Variants in DNAH17 observed in about 807,000 individuals in gnomAD.
DNAH17 encodes dynein axonemal heavy chain 17, also known as axonemal beta dynein heavy chain 17.
A neutral mutation model predicts 485.6 loss-of-function variants in DNAH17; 376 were observed. The ratio of observed to expected loss-of-function variants is 0.77; its 90% CI spans 0.71 to 0.84. The LOEUF is 0.84. DNAH17 is among the 40% of genes least tolerant of loss of function. The pLI is 0.00. For synonymous variants in DNAH17, 3,031 were observed against 2,405.9 expected (o/e 1.26, Z -7.60); for missense variants, 6,370 against 5,839.3 (o/e 1.09, Z -2.96).
chr17:78,491,890 A>C (rs1245862845), intron 42 of DNAH17, among the ~76,000 whole-genome samples: 4 of 152,168 alleles, frequency 2.6e-5, no homozygotes, highest in Non-Finnish European at 5.9e-5. Flanking sequence ...CTGTGCACCC[A>C]GCTCTGTCCA....
At chr17:78,437,550 G>A in intron 74 of DNAH17, 91 bp downstream of exon 74, 2 of 949,728 alleles carry the variant, frequency 2.1e-6, no homozygotes, top group Non-Finnish European at 3.2e-6. Flanking sequence ...CCAGAGTTCA[G>A]AGCGGTCCTC....
At chr17:78,454,134 C>T (rs1259758684) in intron 64 of DNAH17, among the ~76,000 whole-genome samples, 1 of 152,202 alleles carries the variant, frequency 6.6e-6, no homozygotes, top group Non-Finnish European at 1.5e-5. Context: ...GCCATTGTTT[C>T]TCAACTGTGA....
intron 61 of DNAH17, 129 bp from the exon 62 acceptor site, chr17:78,458,809 T>C: frequency 5.7e-6 from 6 of 1,049,654 alleles, no homozygotes; most frequent in African/African-American, 1.6e-5. Flanking sequence ...GAGAGCCCTC[T>C]GGAGCATGGA....
rs2090311836 is a variant in DNAH17 at position 78,501,973 on chromosome 17, G to A, written c.5191-100C>T. The A allele has an allele frequency of 2.2e-5, 33 of 1,519,180 alleles. No individual in the cohort carries two copies. The South Asian group carries it at 4.0e-4, about 18-fold the overall frequency. 94.1% of individuals were successfully genotyped at this position (1,519,180 alleles called of 1,614,324 possible). On this transcript the variant is annotated intron_variant, in intron 33 of 80. Coordinates refer to ENST00000389840, the MANE Select transcript of DNAH17 (RefSeq NM_173628.4). ...ACAGCTGCATAGGGAACACCACCATGCTTTTGTTTACAGTAATGAAAAACA... is the reference window on the plus strand; with the variant it reads ...ACAGCTGCATAGGGAACACCACCATACTTTTGTTTACAGTAATGAAAAACA...
chr17:78,440,946 G>C, intron 72 of DNAH17, 105 bp downstream of exon 72: 1 of 1,371,636 alleles, frequency 7.3e-7, no homozygotes, highest in Non-Finnish European at 1.0e-6. Context: ...GCCGCGTCTT[G>C]GGTGTGAAGT....
In DNAH17 at chr17:78,569,411, G is replaced by T. The variant is rs560244243; in HGVS notation, c.1161C>A (p.Tyr387Ter). Reference sequence around the variant, plus strand: ...GCTTCATGTTCACGCAGCAGAAGTCGTACGTCTGGTAGAGCTCCTTCAGCA... The same window carrying T: ...GCTTCATGTTCACGCAGCAGAAGTCTTACGTCTGGTAGAGCTCCTTCAGCA... ...VNVLKELYQT[Y>*]DFCCVNMKLF... The change falls in exon 8 of 81, where the codon TAC becomes TAA. Residue 387 changes from tyrosine to a stop codon, truncating the protein, a stop_gained. Transcript: ENST00000389840. LOFTEE classifies it high-confidence loss of function. 1 of 1,612,814 alleles carries T rather than the reference G, an allele frequency of 6.2e-7. No homozygotes were observed. Among genetic ancestry groups the T allele is most frequent in the Non-Finnish European group, 8.5e-7 (1 of 1,179,390 alleles).
At chr17:78,506,657 G>C in intron 30 of DNAH17, 63 bp downstream of exon 30, 1 of 1,609,304 alleles carries the variant, frequency 6.2e-7, no homozygotes, top group African/African-American at 1.3e-5. Context: ...TGAGGTAGAG[G>C]TGCCCACCTG....
At chr17:78,505,993 TAATA>T (rs1010813064) in intron 30 of DNAH17, among the ~76,000 whole-genome samples, 6 of 152,002 alleles carry the variant, frequency 3.9e-5, no homozygotes, top group Non-Finnish European at 7.4e-5. Context: ...TAAAAAAAAT[TAATA>T]AATAAGATTT....
chr17:78,510,569 G>C, intron 26 of DNAH17, 63 bp from the exon 27 acceptor site: 1 of 1,589,654 alleles, frequency 6.3e-7, no homozygotes, highest in Non-Finnish European at 8.6e-7. Flanking sequence ...GTGGGCAGAC[G>C]TCATGATCCT....
chr17:78,568,604 G>A (rs1008819148), intron 9 of DNAH17, among the ~76,000 whole-genome samples: 2 of 151,630 alleles, frequency 1.3e-5, no homozygotes, highest in African/African-American at 4.9e-5. Flanking sequence ...GCTTTTTTTT[G>A]AAACAGGGTC....
intron 1 of DNAH17, among the ~76,000 whole-genome samples, chr17:78,575,858 T>A (rs2092426461): frequency 6.6e-6 from 1 of 152,198 alleles, no homozygotes; most frequent in Non-Finnish European, 1.5e-5. Flanking sequence ...TTTTTAAACA[T>A]CAAAATGAAT....
chr17:78,426,484 C>G lies in DNAH17; in HGVS notation c.12888G>C (p.Trp4296Cys), dbSNP rs1202139099. Residue 4296 changes from tryptophan to cysteine, a missense_variant, in exon 79 of 81, where the codon TGG (tryptophan) becomes TGC (cysteine). Transcript: ENST00000389840. ...TGATGCGGAGCAGCAGGTCTGCGTA[C>G]CAGGCCGCCAGGCCCATCATGGAGG... ...AYPSMMGLAA[W>C]YADLLLRIRE... 3 of 1,610,778 alleles carry G rather than the reference C, an allele frequency of 1.9e-6. No homozygotes were observed. Among genetic ancestry groups the G allele is most frequent in the Admixed American group, 3.4e-5 (2 of 59,194 alleles).
At position 78,425,583 on chromosome 17, in the gene DNAH17, C is replaced by A; in HGVS notation, c.12916-12G>T. On this transcript the variant is annotated splice_polypyrimidine_tract_variant and intron_variant, in intron 79 of 80. Coordinates refer to ENST00000389840, the MANE Select transcript of DNAH17 (RefSeq NM_173628.4). ...CAGGCCTCGAGTTCCTGCAAGGACACACGAGCCGCTAGGAGGAGAGGACAT... is the reference window on the plus strand; with the variant it reads ...CAGGCCTCGAGTTCCTGCAAGGACAAACGAGCCGCTAGGAGGAGAGGACAT... The A allele has an allele frequency of 6.3e-7, 1 of 1,585,404 alleles. No individual in the cohort carries two copies. Among genetic ancestry groups the A allele is most frequent in the South Asian group, 1.1e-5 (1 of 88,536 alleles).
rs188210576 is a variant in DNAH17, at chr17:78,498,782, C to T, written c.5745+226G>A. On this transcript the variant is annotated intron_variant, in intron 37 of 80. Coordinates refer to ENST00000389840, the MANE Select transcript of DNAH17 (RefSeq NM_173628.4). ...ATTCTCCCACCTGTATTTTGTTACA[C>T]GTTTGCTACCATACATGTAACCTGT... 1.6e-3 allele frequency: 635 copies of T among 388,598 alleles called. 5 individuals are homozygous for T. The highest frequency in any genetic ancestry group is 8.7e-4 in the Non-Finnish European group (189 of 218,278). 24.1% of individuals were successfully genotyped at this position (388,598 alleles called of 1,614,324 possible).
At position 78,507,456 on chromosome 17, in the gene DNAH17, A is replaced by G; in HGVS notation, c.4584+2T>C. 6.2e-7 allele frequency: 1 copy of G among 1,612,490 alleles called. No individual in the cohort carries two copies. Among genetic ancestry groups the G allele is most frequent in the Non-Finnish European group, 8.5e-7 (1 of 1,178,502 alleles). On this transcript the variant is annotated splice_donor_variant, in intron 28 of 80. Coordinates refer to ENST00000389840, the MANE Select transcript of DNAH17 (RefSeq NM_173628.4). LOFTEE classifies it high-confidence loss of function. ...GCGTGGGAACCACCGGGCTGTGCTC[A>G]CCTTGAATTCCTGGTTGATGTCGTC... is the stretch of plus-strand genomic sequence containing the variant.
intron 11 of DNAH17, among the ~76,000 whole-genome samples, chr17:78,564,841 C>T (rs779199006): frequency 1.3e-5 from 2 of 152,148 alleles, no homozygotes; most frequent in Non-Finnish European, 2.9e-5. Context: ...GAGGGAAGGC[C>T]ATTGCTGAGA....
intron 41 of DNAH17, 90 bp from the exon 42 acceptor site, chr17:78,492,855 GT>G (rs570440887): frequency 7.7e-3 from 4,887 of 632,448 alleles, no homozygotes; most frequent in Non-Finnish European, 9.5e-3. Flanking sequence ...GGCCTGGATG[GT>G]TTTTTTTTTT....
At chr17:78,567,616 G>A (rs767947008) in intron 9 of DNAH17, among the ~76,000 whole-genome samples, 11 of 152,102 alleles carry the variant, frequency 7.2e-5, no homozygotes, top group Non-Finnish European at 1.3e-4. Flanking sequence ...GCCGTGTCCC[G>A]AAGGTGATCC....
intron 58 of DNAH17, 89 bp from the exon 59 acceptor site, chr17:78,460,346 ATG>A (rs1342650087): frequency 8.2e-6 from 8 of 977,404 alleles, no homozygotes; most frequent in African/African-American, 8.1e-5. Flanking sequence ...ATGTGTGTGC[ATG>A]TGTGTGCATG....
Sources: gnomAD v4.1 joint callset for allele counts (sites outside exome capture counted in the v4.1 genomes callset) on GRCh38, gnomAD v4.1.1 for gene constraint, MANE v1.5 for transcripts, NCBI Gene and HGNC (gene_info 2026-07-23, HGNC 2026-07-21) for gene names.